The following KCNJ3 variants were observed in gnomAD, a reference collection of about 807,000 sequenced individuals.
The protein encoded by KCNJ3 is potassium inwardly rectifying channel subfamily J member 3, also known as G protein-activated inward rectifier potassium channel 1.
In KCNJ3, 4 loss-of-function variants were observed where a neutral mutation model predicts 39.2. The observed-to-expected ratio is 0.10, with a 90% confidence interval of 0.05 to 0.23. KCNJ3 has a LOEUF of 0.23. KCNJ3 is among the 10% of genes least tolerant of loss of function. The probability of loss-of-function intolerance (pLI) is 1.00; values close to 1 mark genes in which losing one functional copy is unlikely to be tolerated. For synonymous variants in KCNJ3, 230 were observed against 237.4 expected, an observed-to-expected ratio of 0.97 and a Z score of 0.29; for missense variants, 276 against 634.9, an observed-to-expected ratio of 0.43 and a Z score of 6.08.
intron 2 of KCNJ3, among the ~76,000 whole-genome samples, chr2:154,851,900 A>G (rs1558891846): frequency 6.6e-6 from 1 of 152,172 alleles, no homozygotes; most frequent in Non-Finnish European, 1.5e-5. Context: ...AGCAGGGGCA[A>G]AATTTTGATT....
chr2:154,715,183 A>G (rs1238636219), intron 2 of KCNJ3, among the ~76,000 whole-genome samples: 1 of 152,216 alleles, frequency 6.6e-6, no homozygotes, highest in Non-Finnish European at 1.5e-5. Flanking sequence ...TCTAAATCAC[A>G]GTAGTTGTTT....
chr2:154,734,950 A>AT (rs767873864), intron 2 of KCNJ3, among the ~76,000 whole-genome samples: 6 of 152,158 alleles, frequency 3.9e-5, no homozygotes, highest in Admixed American at 1.3e-4. Flanking sequence ...AAAGGGAGAC[A>AT]TTTTTTCCTC....
At chr2:154,725,338 G>A (rs1204796735) in intron 2 of KCNJ3, among the ~76,000 whole-genome samples, 2 of 150,044 alleles carry the variant, frequency 1.3e-5, no homozygotes, top group African/African-American at 4.9e-5. Flanking sequence ...GTTTTGGGAA[G>A]ATATCTTTTC....
chr2:154,795,244 G>A (rs1024960829), intron 2 of KCNJ3, among the ~76,000 whole-genome samples: 8 of 151,866 alleles, frequency 5.3e-5, no homozygotes, highest in South Asian at 4.1e-4. Context: ...TTGTTCAACA[G>A]CAATGCACAT....
At chr2:154,735,619 T>C (rs1685517779) in intron 2 of KCNJ3, among the ~76,000 whole-genome samples, 1 of 152,214 alleles carries the variant, frequency 6.6e-6, no homozygotes, top group South Asian at 2.1e-4. Context: ...TTGATGTTAG[T>C]ACAAAACGTT....
At chr2:154,790,087 G>T (rs560979005) in intron 2 of KCNJ3, among the ~76,000 whole-genome samples, 1 of 152,118 alleles carries the variant, frequency 6.6e-6, no homozygotes, top group East Asian at 1.9e-4. Flanking sequence ...GACATTGGGG[G>T]GCATGATCTT....
At chr2:154,774,099 C>T (rs1489572964) in intron 2 of KCNJ3, among the ~76,000 whole-genome samples, 3 of 152,110 alleles carry the variant, frequency 2.0e-5, no homozygotes, top group African/African-American at 7.2e-5. Flanking sequence ...AAATTTCATT[C>T]AGTAATACTT....
intron 2 of KCNJ3, among the ~76,000 whole-genome samples, chr2:154,726,720 AC>A (rs80220096): frequency 0.017 from 2,544 of 151,726 alleles, 49 homozygotes; most frequent in East Asian, 0.1. Flanking sequence ...AGCCCAAATG[AC>A]CATCAATCAA....
At chr2:154,846,211 C>T (rs938236414) in intron 2 of KCNJ3, among the ~76,000 whole-genome samples, 1 of 139,574 alleles carries the variant, frequency 7.2e-6, no homozygotes, top group Admixed American at 7.3e-5. Context: ...TATACTTCCT[C>T]ATATTCCAGA....
chr2:154,832,688 T>TA (rs5835550), intron 2 of KCNJ3, among the ~76,000 whole-genome samples: 30,061 of 152,170 alleles, frequency 0.2, 3,273 homozygotes, highest in East Asian at 0.36. Context: ...ATGGAGCTTA[T>TA]AGAGTGTATA....
intron 2 of KCNJ3, among the ~76,000 whole-genome samples, chr2:154,817,449 G>A (rs1687103269): frequency 6.6e-6 from 1 of 152,122 alleles, no homozygotes; most frequent in Non-Finnish European, 1.5e-5. Flanking sequence ...GCTGGGCCAA[G>A]TTTGCACAAT....
intron 2 of KCNJ3, among the ~76,000 whole-genome samples, chr2:154,767,392 G>A (rs528212778): frequency 6.6e-6 from 1 of 151,990 alleles, no homozygotes; most frequent in Admixed American, 6.6e-5. Context: ...GTGTCCAAGT[G>A]TTCTCATTGT....
intron 2 of KCNJ3, among the ~76,000 whole-genome samples, chr2:154,771,835 G>A (rs1050200675): frequency 6.6e-6 from 1 of 152,162 alleles, no homozygotes; most frequent in Non-Finnish European, 1.5e-5. Context: ...TAACCTCAAG[G>A]GAGGAATTGA....
chr2:154,846,723 C>CTT (rs546149644), intron 2 of KCNJ3, among the ~76,000 whole-genome samples: 1 of 152,148 alleles, frequency 6.6e-6, no homozygotes, highest in Non-Finnish European at 1.5e-5. Context: ...AGCATCTGCA[C>CTT]TTATCTTCCT....
At chr2:154,816,458 T>C (rs538729415) in intron 2 of KCNJ3, among the ~76,000 whole-genome samples, 91 of 152,314 alleles carry the variant, frequency 6.0e-4, no homozygotes, top group Non-Finnish European at 1.1e-3. Context: ...TAGTATAGTA[T>C]ATGAATAAAT....
intron 2 of KCNJ3, among the ~76,000 whole-genome samples, chr2:154,751,860 A>G (rs1685850364): frequency 6.6e-6 from 1 of 151,954 alleles, no homozygotes; most frequent in African/African-American, 2.4e-5. Context: ...GTTTGTGTGC[A>G]ACCTAATCTT....
chr2:154,748,495 A>T (rs1685784126), intron 2 of KCNJ3, among the ~76,000 whole-genome samples: 1 of 152,068 alleles, frequency 6.6e-6, no homozygotes, highest in African/African-American at 2.4e-5. Context: ...GATGTCATCT[A>T]GTGAGAGCAA....
rs373062062 is a variant in KCNJ3 at position 154,850,008 on chromosome 2, CTTTTTTTTTTTTTTTTTTTTTT to C, written c.920-4704_920-4683del. Reference sequence around the variant, plus strand: ...TTGCAATGCAATGTACAGAATAAATCTTTTTTTTTTTTTTTTTTTTTTTTTTTTTTTTTTTTACAAAATGTTT... The same window carrying C: ...TTGCAATGCAATGTACAGAATAAATCTTTTTTTTTTTTTTACAAAATGTTT... On this transcript the variant is annotated intron_variant, in intron 2 of 2. Coordinates refer to ENST00000295101, the MANE Select transcript of KCNJ3 (RefSeq NM_002239.4). Among the ~76,000 whole-genome samples the C allele has an allele frequency of 8.2e-5, 4 of 48,860 alleles. 1 individual carries two copies. In the East Asian group the frequency reaches 2.8e-3, roughly 35 times the overall value. 32.1% of individuals were successfully genotyped at this position (48,860 alleles called of 152,430 possible).
At chr2:154,746,552 T>C (rs916501675) in intron 2 of KCNJ3, among the ~76,000 whole-genome samples, 1 of 150,796 alleles carries the variant, frequency 6.6e-6, no homozygotes, top group Non-Finnish European at 1.5e-5. Context: ...GTTGAATCCA[T>C]GTATGCAGAA....
Sources: gnomAD v4.1 joint callset for allele counts (sites outside exome capture counted in the v4.1 genomes callset) on GRCh38, gnomAD v4.1.1 for gene constraint, MANE v1.5 for transcripts, NCBI Gene and HGNC (gene_info 2026-07-23, HGNC 2026-07-21) for gene names.